The following MAP3K12 variants were observed in gnomAD, a reference collection of about 807,000 sequenced individuals.
MAP3K12 encodes the protein mitogen-activated protein kinase kinase kinase 12, also known as MAPK-upstream kinase.
In MAP3K12, 14 loss-of-function variants were observed where a neutral mutation model predicts 87.5. The ratio of observed to expected loss-of-function variants is 0.16; its 90% CI spans 0.11 to 0.25. MAP3K12 has a LOEUF of 0.25. Among genes scored for constraint, MAP3K12 ranks in the 10% least tolerant of loss-of-function variants. MAP3K12 has a pLI of 1.00. For missense variants in MAP3K12, 802 were observed against 1,140.4 expected (o/e 0.70, Z 4.27); for synonymous variants, 469 against 452.5 (o/e 1.04, Z -0.46).
At chr12:53,495,337 T>TA in intron 1 of MAP3K12, among the ~76,000 whole-genome samples, 1 of 23,118 alleles carries the variant, frequency 4.3e-5, no homozygotes, top group Non-Finnish European at 9.3e-5. Context: ...ATACTCTGTC[T>TA]CCAAAAAAAA....
intron 6 of MAP3K12, 117 bp downstream of exon 6, chr12:53,484,939 T>A: frequency 7.5e-7 from 1 of 1,338,522 alleles, no homozygotes; most frequent in Non-Finnish European, 1.0e-6. Context: ...CTGATTCAGA[T>A]GAAAGTCAGT....
intron 1 of MAP3K12, among the ~76,000 whole-genome samples, chr12:53,492,074 CA>C (rs397849916): frequency 0.19 from 19,489 of 100,794 alleles, 1,310 homozygotes; most frequent in Non-Finnish European, 0.22. Flanking sequence ...GACTCTGTTT[CA>C]AAAAAAAAAA....
At chr12:53,496,965 T>C (rs1407475362) in intron 1 of MAP3K12, among the ~76,000 whole-genome samples, 3 of 152,268 alleles carry the variant, frequency 2.0e-5, no homozygotes, top group African/African-American at 7.2e-5. Context: ...AGTTTCTTCA[T>C]TGCTAAACGG....
At position 53,486,146 on chromosome 12, in the gene MAP3K12, G is replaced by A. The variant is rs1440143760; in HGVS notation, c.731C>T (p.Ser244Phe). The A allele has an allele frequency of 6.2e-7, 1 of 1,614,182 alleles. No homozygotes were observed. The highest frequency in any genetic ancestry group is 1.7e-5 in the Admixed American group (1 of 60,026). Residue 244 changes from serine to phenylalanine, a missense_variant, in exon 4 of 14, where the codon TCC becomes TTC. Ser to Phe is a radical substitution (Grantham distance 155). Around this residue, in one of 5 missense-constraint regions of MAP3K12, gnomAD observed 57 missense variants for 161.8 expected, o/e 0.35. Transcript: ENST00000547488. The surrounding 1 kb of genome is among the most constrained non-coding windows in gnomAD (Gnocchi z 4.9). The part of the protein sequence containing the change: ...VLRAGRPVTP[S>F]LLVDWSMGIA... ...GCCCATGGACCAGTCAACCAGTAAG[G>A]AGGGGGTGACAGGGCGGCCAGCCCG... is the stretch of plus-strand genomic sequence containing the variant.
Position 53,482,968 on chromosome 12 carries a change from C to G in MAP3K12, c.1835G>C (p.Gly612Ala), listed in dbSNP as rs1484639225. The change falls in exon 11 of 14, where the codon GGC (glycine) becomes GCC (alanine). Residue 612 changes from glycine to alanine, a missense_variant. By Grantham distance (60) the Gly-to-Ala change is moderately conservative. Around this residue, in one of 5 missense-constraint regions of MAP3K12, gnomAD observed 490 missense variants for 496.6 expected, o/e 0.99. Coordinates refer to ENST00000547488, the MANE Select transcript of MAP3K12 (RefSeq NM_001193511.2). ...CCAGGCTGAGGGTCCCCCTCCTAGG[C>G]CCCCTGGGCTTCCTGGTCCTCCAGG... Reference protein sequence around the residue: ...HEPGGPGSPGGLGGGPSAWEA... With the variant: ...HEPGGPGSPGALGGGPSAWEA... 1 of 1,587,338 alleles carries G rather than the reference C, an allele frequency of 6.3e-7. No homozygotes were observed. The highest frequency in any genetic ancestry group is 8.6e-7 in the Non-Finnish European group (1 of 1,168,388).
intron 8 of MAP3K12, 63 bp downstream of exon 8, chr12:53,483,845 TAGG>T: frequency 6.2e-7 from 1 of 1,610,482 alleles, no homozygotes; most frequent in Non-Finnish European, 8.5e-7. Context: ...TGGGGCTGGG[TAGG>T]AGCTGACTGG....
Position 53,484,345 on chromosome 12 carries a change from C to T in MAP3K12, c.1160G>A (p.Arg387His). Residue 387 changes from arginine (R) to histidine (H), a missense_variant, in exon 7 of 14, where the codon CGC becomes CAC. By Grantham distance (29) the Arg-to-His change is conservative. Coordinates refer to ENST00000547488, the MANE Select transcript of MAP3K12 (RefSeq NM_001193511.2). ...RQCWNSKPRN[R>H]PSFRQILLHL... ...CAGCAGGATCTGTCGGAATGATGGG[C>T]GATTTCGTGGTTTGCTATTCCTGAA... The T allele has an allele frequency of 6.2e-7, 1 of 1,614,032 alleles. No individual in the cohort carries two copies. The highest frequency in any genetic ancestry group is 8.5e-7 in the Non-Finnish European group (1 of 1,179,984).
intron 4 of MAP3K12, 151 bp downstream of exon 4, chr12:53,485,905 T>C: frequency 1.4e-6 from 1 of 694,958 alleles, no homozygotes; most frequent in East Asian, 2.7e-5. Context: ...AGGGGCTCAC[T>C]ACAGCCCTTC....
intron 6 of MAP3K12, 38 bp downstream of exon 6, chr12:53,485,018 T>C: frequency 6.2e-7 from 1 of 1,613,492 alleles, no homozygotes; most frequent in Non-Finnish European, 8.5e-7. Flanking sequence ...GCTTCTCAAC[T>C]TCTCCAGGCC....
Position 53,482,706 on chromosome 12 carries a change from AGGT to A in MAP3K12, c.2094_2096del (p.Pro701del). On this transcript the variant is annotated inframe_deletion, in exon 11 of 14. Coordinates refer to ENST00000547488, the MANE Select transcript of MAP3K12 (RefSeq NM_001193511.2). Reference sequence around the variant, plus strand: ...CACCTTCACCAGGCCCTACTGGAGGAGGTGGTTCCCCTTTGGCTCCCCCAGGTG... The same window carrying A: ...CACCTTCACCAGGCCCTACTGGAGGAGGTTCCCCTTTGGCTCCCCCAGGTG... 1.5e-5 allele frequency: 25 copies of A among 1,613,922 alleles called. No homozygotes were observed. The highest frequency in any genetic ancestry group is 2.1e-5 in the Non-Finnish European group (25 of 1,179,998).
At chr12:53,493,034 T>A (rs1943455394) in intron 1 of MAP3K12, 1 of 148,308 alleles carries the variant, frequency 6.7e-6, no homozygotes, top group African/African-American at 2.4e-5. Flanking sequence ...GGCCGTCACG[T>A]GGCGCGTGGC....
At position 53,482,972 on chromosome 12, in the gene MAP3K12, C is replaced by T. The variant is rs764385650; in HGVS notation, c.1831G>A (p.Gly611Arg). 8.2e-6 allele frequency: 13 copies of T among 1,582,750 alleles called. No homozygotes were observed. Among genetic ancestry groups the T allele is most frequent in the South Asian group, 2.3e-5 (2 of 87,862 alleles). The change falls in exon 11 of 14, where the codon GGG becomes AGG. Residue 611 changes from glycine (G) to arginine (R), a missense_variant. Physicochemically the swap from Gly to Arg is moderately radical, Grantham distance 125. Coordinates refer to ENST00000547488, the MANE Select transcript of MAP3K12 (RefSeq NM_001193511.2). ...GCTGAGGGTCCCCCTCCTAGGCCCC[C>T]TGGGCTTCCTGGTCCTCCAGGTTCA... ...PHEPGGPGSP[G>R]GLGGGPSAWE...
chr12:53,501,084 G>A, upstream of MAP3K12: 2 of 392,636 alleles, frequency 5.1e-6, no homozygotes, highest in Admixed American at 4.1e-5. Context: ...GGAGAGAGGG[G>A]GCGCGGAAGG....
intron 1 of MAP3K12, among the ~76,000 whole-genome samples, chr12:53,490,588 C>G (rs1943370959): frequency 6.6e-6 from 1 of 151,522 alleles, no homozygotes; most frequent in East Asian, 2.0e-4. Context: ...CTAAAAAATA[C>G]AAAAAATTAG....
chr12:53,501,068 G>A (rs796823055), upstream of MAP3K12: 47 of 337,860 alleles, frequency 1.4e-4, no homozygotes, highest in African/African-American at 9.5e-4. Context: ...ACAGCTTCAC[G>A]GACCGGGAGA....
rs200925448 is a variant in MAP3K12 at position 53,482,938 on chromosome 12, G to T, written c.1865C>A (p.Ala622Asp). 151 of 1,606,606 alleles carry T rather than the reference G, an allele frequency of 9.4e-5. 2 individuals are homozygous for T. The highest frequency in any genetic ancestry group is 1.2e-4 in the Non-Finnish European group (147 of 1,178,634). ...AAGCCCACGGAGGGCGGGAGGGCAG[G>T]CCTCCCAGGCTGAGGGTCCCCCTCC... is the stretch of plus-strand genomic sequence containing the variant. ...GLGGGPSAWE[A>D]CPPALRGLHH... The change falls in exon 11 of 14, where the codon GCC becomes GAC. Residue 622 changes from alanine to aspartate, a missense_variant. This residue lies in a region of MAP3K12 where 490 missense variants were observed against 496.6 expected (regional missense o/e 0.99). Transcript: ENST00000547488.
intron 1 of MAP3K12, among the ~76,000 whole-genome samples, chr12:53,489,021 G>C (rs1479254507): frequency 7.1e-6 from 1 of 141,448 alleles, no homozygotes; most frequent in East Asian, 2.2e-4. Flanking sequence ...TGAGGTTGCA[G>C]TAAGCCAAGA....
chr12:53,490,483 T>G (rs1943367997), intron 1 of MAP3K12, among the ~76,000 whole-genome samples: 1 of 152,042 alleles, frequency 6.6e-6, no homozygotes, highest in African/African-American at 2.4e-5. Flanking sequence ...CAGTGGCTCA[T>G]GCCTGTAATC....
Position 53,487,179 on chromosome 12 carries a change from C to T in MAP3K12, c.213G>A (p.Pro71=), listed in dbSNP as rs1472616280. 6 of 1,613,804 alleles carry T rather than the reference C, an allele frequency of 3.7e-6. No homozygotes were observed. Among genetic ancestry groups the T allele is most frequent in the Non-Finnish European group, 5.1e-6 (6 of 1,179,932 alleles). The change falls in exon 2 of 14, where the codon CCG becomes CCA. Residue 71 remains proline (P), a synonymous_variant. Transcript: ENST00000547488. The part of the protein sequence containing the change: ...GGPSPSPGGE[P]PPEPFANSVL... ...CACTGTTGGCAAAAGGCTCAGGGGG[C>T]GGCTCTCCACCTGGGGAGGGGCTGG... is the stretch of plus-strand genomic sequence containing the variant.
Sources: gnomAD v4.1 joint callset for allele counts (sites outside exome capture counted in the v4.1 genomes callset) on GRCh38, gnomAD v4.1.1 for gene constraint, gnomAD v4.1.1 regional missense constraint, Gnocchi (gnomAD v3.1) non-coding constraint, MANE v1.5 for transcripts, NCBI Gene and HGNC (gene_info 2026-07-23, HGNC 2026-07-21) for gene names.